The following METAP1D variants were observed in gnomAD, a reference collection of about 807,000 sequenced individuals.
The protein encoded by METAP1D is methionyl aminopeptidase type 1D, mitochondrial, also known as methionine aminopeptidase 1D, mitochondrial.
A neutral mutation model predicts 40.5 loss-of-function variants in METAP1D; 31 were observed. That is an observed-to-expected ratio of 0.77 (90% CI 0.58 to 1.03). The LOEUF is 1.03. METAP1D is among the 50% of genes least tolerant of loss of function. The pLI is 0.00. For synonymous variants in METAP1D, 151 were observed against 146.4 expected, an observed-to-expected ratio of 1.03 and a Z score of -0.22; for missense variants, 411 against 420.7, an observed-to-expected ratio of 0.98 and a Z score of 0.20.
In METAP1D at chr2:172,082,018, G is replaced by A. The variant is rs1690729079; in HGVS notation, c.*1612G>A. The A allele has an allele frequency of 6.6e-6, 1 of 152,232 alleles. No homozygotes were observed. The highest frequency in any genetic ancestry group is 2.1e-4 in the South Asian group (1 of 4,830). 9.4% of individuals were successfully genotyped at this position (152,232 alleles called of 1,614,324 possible). ...TTGGATAGAGGTGTTTCTGATTCTA[G>A]TGAGTCTGAGAACTGGAAAAGACCA... On this transcript the variant is annotated 3_prime_UTR_variant, in exon 10 of 10. Transcript: ENST00000315796.
At chr2:172,000,406 A>G (rs1001219293) in intron 1 of METAP1D, among the ~76,000 whole-genome samples, 2 of 152,208 alleles carry the variant, frequency 1.3e-5, no homozygotes, top group Non-Finnish European at 2.9e-5. Context: ...TAGAGCTTTT[A>G]TGCAGGCATG....
chr2:172,079,315 G>A, intron 8 of METAP1D, 53 bp downstream of exon 8: 1 of 1,584,720 alleles, frequency 6.3e-7, no homozygotes, highest in Non-Finnish European at 8.7e-7. Flanking sequence ...GGAAGCTTTT[G>A]CCACTGGCCT....
At chr2:172,044,455 C>T (rs1689688930) in intron 1 of METAP1D, among the ~76,000 whole-genome samples, 2 of 127,496 alleles carry the variant, frequency 1.6e-5, no homozygotes, top group Non-Finnish European at 3.6e-5. Flanking sequence ...CCTAGCTGGG[C>T]GTGGTGGCAT....
At chr2:172,042,120 T>C (rs112569881) in intron 1 of METAP1D, among the ~76,000 whole-genome samples, 42,314 of 76,852 alleles carry the variant, frequency 0.55, 16,308 homozygotes, top group East Asian at 0.91. Flanking sequence ...TATTTTTTCA[T>C]TTTAAAAAAT....
chr2:172,031,089 T>A (rs987614262), intron 1 of METAP1D, among the ~76,000 whole-genome samples: 1 of 152,224 alleles, frequency 6.6e-6, no homozygotes, highest in Admixed American at 6.5e-5. Context: ...AACAGGTTAT[T>A]ATTAACAAAT....
chr2:172,022,436 G>T (rs1451733920), intron 1 of METAP1D, among the ~76,000 whole-genome samples: 1 of 152,072 alleles, frequency 6.6e-6, no homozygotes, highest in Non-Finnish European at 1.5e-5. Flanking sequence ...CACAGACAAG[G>T]CAGAATTTGT....
chr2:172,061,786 T>A, intron 2 of METAP1D, 131 bp downstream of exon 2: 2 of 745,476 alleles, frequency 2.7e-6, no homozygotes, highest in Non-Finnish European at 4.0e-6. Flanking sequence ...GTTTGTGATC[T>A]AAAACTGTGA....
chr2:172,063,387 G>C (rs1461118200), intron 2 of METAP1D, among the ~76,000 whole-genome samples: 1 of 152,190 alleles, frequency 6.6e-6, no homozygotes, highest in Non-Finnish European at 1.5e-5. Context: ...TTCATCAATG[G>C]TGAATATGCT....
chr2:172,059,111 CT>C lies in METAP1D; in HGVS notation c.41-2374del, dbSNP rs58889810. ...CTTTTTTCTTTTTCTTTCTTTCTTT[CT>C]TTTTTTTTTTTTCTGAGACAGAGTC... is the stretch of plus-strand genomic sequence containing the variant. On this transcript the variant is annotated intron_variant, in intron 1 of 9. Coordinates refer to ENST00000315796, the MANE Select transcript of METAP1D (RefSeq NM_199227.3). Among the ~76,000 whole-genome samples the C allele has an allele frequency of 3.8e-3, 540 of 143,768 alleles. 3 individuals are homozygous for C. Among genetic ancestry groups the C allele is most frequent in the African/African-American group, 0.01 (396 of 39,420 alleles). The allele number at this position is 143,768 out of a possible 152,430, so 94.3% of individuals were successfully genotyped here.
Position 172,080,348 on chromosome 2 carries a change from C to A in METAP1D, c.950C>A (p.Thr317Lys), listed in dbSNP as rs1559024836. ...DNQRSAQFEHTVLITSRGAQI... is the reference protein window; with the variant it reads ...DNQRSAQFEHKVLITSRGAQI... Reference sequence around the variant, plus strand: ...TACAGGTCGGCGCAGTTCGAGCACACGGTTCTGATCACGTCGAGGGGCGCG... The same window carrying A: ...TACAGGTCGGCGCAGTTCGAGCACAAGGTTCTGATCACGTCGAGGGGCGCG... Residue 317 changes from threonine to lysine, a missense_variant, in exon 10 of 10, where the codon ACG becomes AAG. Transcript: ENST00000315796. 2 of 1,614,080 alleles carry A rather than the reference C, an allele frequency of 1.2e-6. No individual in the cohort carries two copies. Among genetic ancestry groups the A allele is most frequent in the East Asian group, 2.2e-5 (1 of 44,886 alleles).
At chr2:172,052,985 A>G (rs370884158) in intron 1 of METAP1D, among the ~76,000 whole-genome samples, 2 of 152,164 alleles carry the variant, frequency 1.3e-5, no homozygotes, top group Non-Finnish European at 2.9e-5. Flanking sequence ...CTTCTGCTTT[A>G]TAGTTGCCTT....
intron 8 of METAP1D, among the ~76,000 whole-genome samples, chr2:172,079,463 G>A (rs566567369): frequency 6.6e-6 from 1 of 152,354 alleles, no homozygotes; most frequent in South Asian, 2.1e-4. Context: ...TTTAGGAGAA[G>A]GCAGCCATCC....
chr2:172,009,197 C>A (rs754319262), intron 1 of METAP1D, among the ~76,000 whole-genome samples: 2 of 152,044 alleles, frequency 1.3e-5, no homozygotes, highest in Admixed American at 1.3e-4. Context: ...CCCACCACCG[C>A]GCCAGGCTAA....
intron 7 of METAP1D, 116 bp downstream of exon 7, chr2:172,078,010 G>T: frequency 8.1e-6 from 4 of 490,958 alleles, no homozygotes; most frequent in Non-Finnish European, 1.1e-5. Context: ...GTTTGTGTGT[G>T]TGTTTATGTG....
intron 1 of METAP1D, among the ~76,000 whole-genome samples, chr2:172,060,541 A>G (rs1211304113): frequency 6.6e-6 from 1 of 152,174 alleles, no homozygotes; most frequent in Non-Finnish European, 1.5e-5. Context: ...GCTTATATAA[A>G]TGTATAAGCT....
chr2:172,010,528 C>G (rs1487577717), intron 1 of METAP1D, among the ~76,000 whole-genome samples: 1 of 119,582 alleles, frequency 8.4e-6, no homozygotes, highest in African/African-American at 3.2e-5. Flanking sequence ...GAATCTCACT[C>G]TGTCACGCAA....
intron 1 of METAP1D, among the ~76,000 whole-genome samples, chr2:172,052,773 G>A (rs1374018149): frequency 1.3e-5 from 2 of 152,184 alleles, no homozygotes; most frequent in African/African-American, 4.8e-5. Flanking sequence ...TTAAAAATTG[G>A]GAATTGGGGG....
chr2:172,002,536 G>A (rs1454759903), intron 1 of METAP1D, among the ~76,000 whole-genome samples: 1 of 152,054 alleles, frequency 6.6e-6, no homozygotes, highest in Non-Finnish European at 1.5e-5. Flanking sequence ...CCATCCCACT[G>A]TATCCCAAAG....
intron 1 of METAP1D, among the ~76,000 whole-genome samples, chr2:172,060,033 T>G (rs955179670): frequency 4.0e-5 from 6 of 151,130 alleles, no homozygotes; most frequent in Non-Finnish European, 7.4e-5. Flanking sequence ...CCTGGGCGAC[T>G]GAGTGAGACT....
Sources: allele counts gnomAD v4.1 joint callset (sites outside exome capture counted in the v4.1 genomes callset), GRCh38; gene constraint gnomAD v4.1.1; transcripts MANE v1.5; gene names NCBI Gene and HGNC (gene_info 2026-07-23, HGNC 2026-07-21).